The following GHR variants were observed in gnomAD, a reference collection of about 807,000 sequenced individuals.
GHR encodes the protein GH receptor.
In GHR, 35 loss-of-function variants were observed where a neutral mutation model predicts 67.1. The observed-to-expected ratio is 0.52, with a 90% CI of 0.40 to 0.69. The LOEUF (loss-of-function observed/expected upper bound fraction) is 0.69. Ranked by LOEUF, GHR falls within the 30% of genes least tolerant of loss-of-function variation. GHR has a pLI of 0.00. For missense variants in GHR, 792 were observed against 764.6 expected (o/e 1.04, Z -0.42); for synonymous variants, 272 against 269.1 (o/e 1.01, Z -0.10).
At chr5:42,548,647 GT>G (rs1342849590) in intron 1 of GHR, 8 of 219,444 alleles carry the variant, frequency 3.6e-5, no homozygotes, top group Non-Finnish European at 6.2e-5. Flanking sequence ...GTGGCCAGAT[GT>G]TTTCCTTTCT....
intron 1 of GHR, among the ~76,000 whole-genome samples, chr5:42,546,932 ATAAC>A (rs974177865): frequency 3.9e-5 from 6 of 152,188 alleles, no homozygotes; most frequent in Admixed American, 3.9e-4. Context: ...AGACATCCAG[ATAAC>A]TCCTAGGTTT....
intron 1 of GHR, among the ~76,000 whole-genome samples, chr5:42,469,750 G>C (rs575528552): frequency 6.6e-6 from 1 of 152,340 alleles, no homozygotes; most frequent in Admixed American, 6.5e-5. Flanking sequence ...GGGAAATGGA[G>C]GTGCTGGTGC....
intron 1 of GHR, among the ~76,000 whole-genome samples, chr5:42,565,310 T>C (rs946792332): frequency 6.6e-6 from 1 of 152,198 alleles, no homozygotes; most frequent in Admixed American, 6.5e-5. Flanking sequence ...TCCTTTTGCT[T>C]CCCTCCTTCT....
intron 1 of GHR, among the ~76,000 whole-genome samples, chr5:42,513,224 A>T (rs1182637769): frequency 6.6e-6 from 1 of 152,196 alleles, no homozygotes; most frequent in Non-Finnish European, 1.5e-5. Flanking sequence ...GTGAAATTTC[A>T]ATTGTGTAGG....
intron 3 of GHR, among the ~76,000 whole-genome samples, chr5:42,679,169 T>C (rs1402838737): frequency 7.1e-6 from 1 of 141,630 alleles, no homozygotes; most frequent in East Asian, 2.4e-4. Context: ...TATTAATTAA[T>C]ATATTATATA....
chr5:42,697,737 A>G (rs558258504), intron 5 of GHR, among the ~76,000 whole-genome samples: 1 of 152,180 alleles, frequency 6.6e-6, no homozygotes, highest in Non-Finnish European at 1.5e-5. Context: ...TGAGGTAGGC[A>G]GCCTTTGGAG....
At chr5:42,540,183 TTCTCTCTCTCTCTCTCTC>T (rs57962722) in intron 1 of GHR, among the ~76,000 whole-genome samples, 6 of 144,398 alleles carry the variant, frequency 4.2e-5, no homozygotes, top group African/African-American at 1.5e-4. Flanking sequence ...TGTTACTGTA[TTCTCTCTCTCTCTCTCTC>T]TCTCTCTCTC....
intron 2 of GHR, among the ~76,000 whole-genome samples, chr5:42,616,663 T>G (rs1237264365): frequency 7.5e-6 from 1 of 132,876 alleles, no homozygotes; most frequent in Non-Finnish European, 1.6e-5. Context: ...CTCGATGAGA[T>G]TCCCTTTGCA....
chr5:42,566,169 T>C (rs1749922934), intron 2 of GHR, among the ~76,000 whole-genome samples: 1 of 152,180 alleles, frequency 6.6e-6, no homozygotes, highest in African/African-American at 2.4e-5. Flanking sequence ...TGTTTTCATA[T>C]CAAAAATTAA....
rs1162317256 is a variant in GHR, at chr5:42,534,225, CATGTGTAT to C, written c.-11-31628_-11-31621del. ...ATATATGTATATATGTATATATGTACATGTGTATATGTGTATATATGTATATATGTACA... is the reference window on the plus strand; with the variant it reads ...ATATATGTATATATGTATATATGTACATGTGTATATATGTATATATGTACA... On this transcript the variant is annotated intron_variant, in intron 1 of 9. Transcript: ENST00000230882. 1.0e-3 allele frequency among the ~76,000 whole-genome samples: 94 copies of C among 92,018 alleles called. 3 individuals are homozygous for C. Among genetic ancestry groups the C allele is most frequent in the African/African-American group, 4.9e-3 (83 of 17,104 alleles). 60.4% of individuals were successfully genotyped at this position (92,018 alleles called of 152,430 possible).
chr5:42,717,364 A>T (rs1758770358), intron 8 of GHR, among the ~76,000 whole-genome samples: 1 of 152,208 alleles, frequency 6.6e-6, no homozygotes, highest in Admixed American at 6.5e-5. Flanking sequence ...TACAAAATAG[A>T]TACATGATTT....
At chr5:42,573,417 A>G (rs908302918) in intron 2 of GHR, among the ~76,000 whole-genome samples, 1 of 151,992 alleles carries the variant, frequency 6.6e-6, no homozygotes, top group Non-Finnish European at 1.5e-5. Context: ...AATGTGTGGG[A>G]GCCTGATGTC....
intron 2 of GHR, among the ~76,000 whole-genome samples, chr5:42,617,608 G>A (rs1002413566): frequency 6.6e-6 from 1 of 152,058 alleles, no homozygotes; most frequent in African/African-American, 2.4e-5. Context: ...AATAAATACT[G>A]TGTTCAGAAC....
At chr5:42,589,139 A>G (rs961267802) in intron 2 of GHR, among the ~76,000 whole-genome samples, 1 of 152,202 alleles carries the variant, frequency 6.6e-6, no homozygotes, top group Non-Finnish European at 1.5e-5. Flanking sequence ...TAACCATTCT[A>G]AAATATTGAT....
chr5:42,608,319 T>C (rs1308896314), intron 2 of GHR, among the ~76,000 whole-genome samples: 1 of 152,242 alleles, frequency 6.6e-6, no homozygotes, highest in African/African-American at 2.4e-5. Flanking sequence ...TCTTATGTCA[T>C]GGATTTATAT....
At chr5:42,486,734 C>T (rs1179397782) in intron 1 of GHR, among the ~76,000 whole-genome samples, 2 of 151,892 alleles carry the variant, frequency 1.3e-5, no homozygotes, top group African/African-American at 2.4e-5. Context: ...GTAGTCCCAG[C>T]TACTCGGGAG....
chr5:42,553,717 C>A (rs1045286468), intron 1 of GHR, among the ~76,000 whole-genome samples: 1 of 152,110 alleles, frequency 6.6e-6, no homozygotes, highest in African/African-American at 2.4e-5. Context: ...GGTAATCTTG[C>A]GGGGGATCTT....
intron 3 of GHR, among the ~76,000 whole-genome samples, chr5:42,637,978 C>T (rs1316508801): frequency 2.6e-5 from 4 of 152,160 alleles, no homozygotes; most frequent in South Asian, 2.1e-4. Context: ...CTCGCTTTGT[C>T]GCCTGGGCTG....
intron 1 of GHR, among the ~76,000 whole-genome samples, chr5:42,439,885 C>A (rs948922341): frequency 6.6e-6 from 1 of 152,190 alleles, no homozygotes; most frequent in African/African-American, 2.4e-5. Context: ...CCTCCTAGTC[C>A]TTCCCTTAAA....
Sources: allele counts gnomAD v4.1 joint callset (sites outside exome capture counted in the v4.1 genomes callset), GRCh38; gene constraint gnomAD v4.1.1; transcripts MANE v1.5; gene names NCBI Gene and HGNC (gene_info 2026-07-23, HGNC 2026-07-21).